FAM135B: variants seen among roughly 807,000 people sequenced by gnomAD.
The protein encoded by FAM135B is protein FAM135B.
FAM135B carries 43 observed loss-of-function variants against 127.7 expected under a neutral mutation model. The ratio of observed to expected loss-of-function variants is 0.34; its 90% confidence interval spans 0.26 to 0.43. FAM135B has a LOEUF of 0.43. Ranked by LOEUF, FAM135B falls within the 20% of genes least tolerant of loss-of-function variation. The pLI, the probability that FAM135B is intolerant of heterozygous loss-of-function variation, is 1.00. For synonymous variants in FAM135B, 670 were observed against 665.1 expected, an observed-to-expected ratio of 1.01 and a Z score of -0.11; for missense variants, 1,558 against 1,725.6, an observed-to-expected ratio of 0.90 and a Z score of 1.72.
chr8:138,168,790 T>C (rs929804256), intron 11 of FAM135B, among the ~76,000 whole-genome samples: 4 of 152,202 alleles, frequency 2.6e-5, no homozygotes, highest in Admixed American at 1.3e-4. Context: ...GGAAAAAGCA[T>C]GAACATTTCA....
chr8:138,335,188 GA>G (rs371493279), intron 2 of FAM135B, among the ~76,000 whole-genome samples: 11 of 152,274 alleles, frequency 7.2e-5, no homozygotes, highest in African/African-American at 2.4e-4. Context: ...GCAGGATTCT[GA>G]AAAGGAGTCT....
At chr8:138,339,148 C>T (rs1429592775) in intron 2 of FAM135B, among the ~76,000 whole-genome samples, 5 of 151,656 alleles carry the variant, frequency 3.3e-5, no homozygotes, top group East Asian at 1.9e-4. Flanking sequence ...TTAGGAGATA[C>T]ACCTAATGTT....
chr8:138,326,886 C>T (rs1159179227), intron 2 of FAM135B, among the ~76,000 whole-genome samples: 1 of 152,072 alleles, frequency 6.6e-6, no homozygotes, highest in Non-Finnish European at 1.5e-5. Flanking sequence ...CCAAGTCCTT[C>T]TAAAACTGTA....
At chr8:138,182,695 A>G (rs1376135731) in intron 9 of FAM135B, among the ~76,000 whole-genome samples, 1 of 152,244 alleles carries the variant, frequency 6.6e-6, no homozygotes, top group Non-Finnish European at 1.5e-5. Context: ...GGCTTCCTGG[A>G]GGAGGTGATA....
intron 1 of FAM135B, among the ~76,000 whole-genome samples, chr8:138,423,963 A>G (rs943083217): frequency 6.6e-6 from 1 of 152,160 alleles, no homozygotes; most frequent in African/African-American, 2.4e-5. Context: ...CTTTTGAAAG[A>G]AGAGAAATAT....
chr8:138,434,131 G>A (rs143705995), intron 1 of FAM135B, among the ~76,000 whole-genome samples: 13 of 152,306 alleles, frequency 8.5e-5, no homozygotes, highest in Non-Finnish European at 1.6e-4. Context: ...TAGTTTAGCT[G>A]TGTTTTAGCT....
At chr8:138,303,567 G>A (rs747266899) in intron 3 of FAM135B, among the ~76,000 whole-genome samples, 3 of 152,102 alleles carry the variant, frequency 2.0e-5, no homozygotes, top group Admixed American at 6.5e-5. Context: ...AAACCTGCAC[G>A]TTCTGCACAT....
intron 2 of FAM135B, among the ~76,000 whole-genome samples, chr8:138,330,855 T>G (rs1360973139): frequency 6.6e-6 from 1 of 152,040 alleles, no homozygotes; most frequent in Admixed American, 6.6e-5. Flanking sequence ...ATTTTTTTTT[T>G]TTTTGAGATG....
intron 1 of FAM135B, among the ~76,000 whole-genome samples, chr8:138,453,077 G>A (rs1021130373): frequency 9.9e-5 from 15 of 152,270 alleles, no homozygotes; most frequent in African/African-American, 3.6e-4. Flanking sequence ...TGGGGATCAT[G>A]GAGGGGCATC....
At chr8:138,451,727 A>G (rs1352795244) in intron 1 of FAM135B, among the ~76,000 whole-genome samples, 1 of 152,202 alleles carries the variant, frequency 6.6e-6, no homozygotes, top group Non-Finnish European at 1.5e-5. Flanking sequence ...GTGCTCCTCT[A>G]AAGCCATGGA....
intron 7 of FAM135B, among the ~76,000 whole-genome samples, chr8:138,202,067 G>C (rs1024841201): frequency 7.4e-6 from 1 of 135,118 alleles, no homozygotes; most frequent in East Asian, 2.4e-4. Context: ...GGAGGTTGCG[G>C]TGAGCAAAGA....
chr8:138,226,899 G>C (rs994975238), intron 7 of FAM135B, among the ~76,000 whole-genome samples: 2 of 152,064 alleles, frequency 1.3e-5, no homozygotes, highest in Non-Finnish European at 2.9e-5. Context: ...GTTTCACCAT[G>C]TTGGCCAGGC....
At chr8:138,359,513 C>A (rs1385535525) in intron 2 of FAM135B, among the ~76,000 whole-genome samples, 2 of 152,176 alleles carry the variant, frequency 1.3e-5, no homozygotes, top group South Asian at 4.1e-4. Flanking sequence ...CACCTGCATG[C>A]TGACTGCCCA....
At chr8:138,417,171 C>T (rs1459546377) in intron 1 of FAM135B, among the ~76,000 whole-genome samples, 1 of 152,186 alleles carries the variant, frequency 6.6e-6, no homozygotes, top group South Asian at 2.1e-4. Flanking sequence ...GACTGACAGA[C>T]CTGAACAGAG....
chr8:138,442,220 G>A (rs1442226318), intron 1 of FAM135B, among the ~76,000 whole-genome samples: 3 of 79,384 alleles, frequency 3.8e-5, no homozygotes, highest in South Asian at 4.2e-4. Flanking sequence ...AAAATTTAAC[G>A]TGAAGAATAT....
chr8:138,496,184 C>T (rs1815384598), intron 1 of FAM135B, among the ~76,000 whole-genome samples: 1 of 152,190 alleles, frequency 6.6e-6, no homozygotes, highest in South Asian at 2.1e-4. Flanking sequence ...AGAGCTGGTC[C>T]CTTTCCATGT....
intron 1 of FAM135B, among the ~76,000 whole-genome samples, chr8:138,455,721 G>T (rs1836739006): frequency 1.3e-5 from 2 of 152,108 alleles, no homozygotes; most frequent in Admixed American, 6.6e-5. Context: ...GTGGGCAGAT[G>T]GATGGGTGAA....
intron 7 of FAM135B, among the ~76,000 whole-genome samples, chr8:138,233,239 A>G (rs1358214343): frequency 6.6e-6 from 1 of 152,220 alleles, no homozygotes; most frequent in East Asian, 1.9e-4. Flanking sequence ...TATATAGACC[A>G]ACTGAATCAA....
chr8:138,178,482 C>T (rs1346320303), intron 10 of FAM135B, 53 bp downstream of exon 10: 2 of 1,601,442 alleles, frequency 1.2e-6, no homozygotes, highest in African/African-American at 2.7e-5. Context: ...AAAGGTTCCT[C>T]CAAAGAAATC....
Sources: allele counts gnomAD v4.1 joint callset (sites outside exome capture counted in the v4.1 genomes callset), GRCh38; gene constraint gnomAD v4.1.1; transcripts MANE v1.5; gene names NCBI Gene and HGNC (gene_info 2026-07-23, HGNC 2026-07-21).